Variants in SYT1 observed in about 807,000 individuals in gnomAD.
SYT1 encodes synaptotagmin 1, also known as synaptotagmin-1.
Under a neutral mutation model 44.8 loss-of-function variants are expected in SYT1, and 8 were observed. The ratio of observed to expected loss-of-function variants is 0.18; its 90% CI spans 0.10 to 0.32. The LOEUF is 0.32. SYT1 is among the 10% of genes least tolerant of loss of function. The probability of loss-of-function intolerance (pLI) is 1.00; values close to 1 mark genes in which losing one functional copy is unlikely to be tolerated. For missense variants in SYT1, 286 were observed against 509.3 expected, an observed-to-expected ratio of 0.56 and a Z score of 4.22; for synonymous variants, 154 against 188.8, an observed-to-expected ratio of 0.82 and a Z score of 1.51.
chr12:79,431,611 T>G (rs2136179332), intron 9 of SYT1, among the ~76,000 whole-genome samples: 1 of 151,954 alleles, frequency 6.6e-6, no homozygotes, highest in East Asian at 1.9e-4. Flanking sequence ...TGGCACAATC[T>G]TGGCTCACTG....
chr12:78,938,609 A>G (rs1878190686), intron 1 of SYT1, among the ~76,000 whole-genome samples: 1 of 152,228 alleles, frequency 6.6e-6, no homozygotes, highest in African/African-American at 2.4e-5. Flanking sequence ...AAGCATGCCA[A>G]GCATACTAAA....
At chr12:78,956,303 T>C (rs376355204) in intron 1 of SYT1, among the ~76,000 whole-genome samples, 1 of 152,112 alleles carries the variant, frequency 6.6e-6, no homozygotes, top group Admixed American at 6.6e-5. Context: ...ACAAATAATC[T>C]GGAGACACAC....
At chr12:79,222,749 G>T (rs912074803) in intron 4 of SYT1, among the ~76,000 whole-genome samples, 1 of 152,014 alleles carries the variant, frequency 6.6e-6, no homozygotes, top group African/African-American at 2.4e-5. Context: ...TTGATTGTTT[G>T]CTCTGTTGAT....
chr12:78,959,650 C>T (rs1879401458), intron 1 of SYT1, among the ~76,000 whole-genome samples: 1 of 152,134 alleles, frequency 6.6e-6, no homozygotes, highest in African/African-American at 2.4e-5. Flanking sequence ...GAGGTTCTAG[C>T]CTCTTATTAC....
chr12:79,115,347 A>C (rs1565812912), intron 3 of SYT1, among the ~76,000 whole-genome samples: 1 of 152,198 alleles, frequency 6.6e-6, no homozygotes, highest in Non-Finnish European at 1.5e-5. Context: ...ATAGTGAGAA[A>C]TATTTTTCCT....
chr12:79,117,702 T>TAC (rs1210358288), intron 3 of SYT1, among the ~76,000 whole-genome samples: 10 of 99,980 alleles, frequency 1.0e-4, no homozygotes, highest in Non-Finnish European at 1.4e-4. Context: ...TATATATATA[T>TAC]ATATATATAT....
In SYT1 at chr12:79,299,509, A is replaced by G. The variant is rs1880031129; in HGVS notation, c.768A>G (p.Val256=). Residue 256 remains valine (V), a synonymous_variant, in exon 8 of 11, where the codon GTA becomes GTG. Coordinates refer to ENST00000261205, the MANE Select transcript of SYT1 (RefSeq NM_005639.3). ...TGAACACAGTGGATTTTGGCCATGT[A>G]ACTGAGGAATGGCGTGACCTGCAAA... ...VPMNTVDFGH[V]TEEWRDLQSA... is the part of the protein sequence containing the mutation. 1.2e-6 allele frequency: 2 copies of G among 1,613,396 alleles called. No individual in the cohort carries two copies. Among genetic ancestry groups the G allele is most frequent in the Non-Finnish European group, 1.7e-6 (2 of 1,179,574 alleles).
intron 1 of SYT1, among the ~76,000 whole-genome samples, chr12:78,914,514 T>TAGAC (rs34634211): frequency 0.77 from 116,817 of 151,348 alleles, 45,711 homozygotes; most frequent in African/African-American, 0.89. Context: ...GTTAGATAGA[T>TAGAC]AGATGATAGA....
intron 3 of SYT1, among the ~76,000 whole-genome samples, chr12:79,115,592 A>G (rs1879234380): frequency 6.6e-6 from 1 of 152,234 alleles, no homozygotes; most frequent in African/African-American, 2.4e-5. Context: ...TATCAAAAAT[A>G]GTGTTTTAAG....
At chr12:79,349,043 A>AAGAAAGAAAGAAAG (rs1565919947) in intron 8 of SYT1, among the ~76,000 whole-genome samples, 2 of 140,358 alleles carry the variant, frequency 1.4e-5, no homozygotes, top group Admixed American at 1.4e-4. Context: ...AAAAGAAAGA[A>AAGAAAGAAAGAAAG]AGAAAGAAAG....
At chr12:78,953,587 C>T (rs1473385539) in intron 1 of SYT1, among the ~76,000 whole-genome samples, 1 of 152,030 alleles carries the variant, frequency 6.6e-6, no homozygotes, top group African/African-American at 2.4e-5. Context: ...AAATAATGCA[C>T]AAGAAGCAAT....
intron 2 of SYT1, among the ~76,000 whole-genome samples, chr12:78,989,776 C>T (rs1395342429): frequency 1.3e-5 from 2 of 151,988 alleles, no homozygotes; most frequent in African/African-American, 4.8e-5. Context: ...GACTCAGGTT[C>T]CATCATCAAA....
chr12:78,883,558 C>T (rs1269777419), intron 1 of SYT1, among the ~76,000 whole-genome samples: 1 of 151,490 alleles, frequency 6.6e-6, no homozygotes, highest in East Asian at 1.9e-4. Flanking sequence ...TGTTAAGTTT[C>T]AAATAAAATA....
At chr12:79,188,600 G>C (rs1252861158) in intron 3 of SYT1, among the ~76,000 whole-genome samples, 1 of 152,014 alleles carries the variant, frequency 6.6e-6, no homozygotes, top group Non-Finnish European at 1.5e-5. Context: ...CCATAAATAA[G>C]GCTTTATTCT....
chr12:79,287,021 G>A (rs1879346409), intron 5 of SYT1, among the ~76,000 whole-genome samples: 1 of 152,008 alleles, frequency 6.6e-6, no homozygotes, highest in Non-Finnish European at 1.5e-5. Flanking sequence ...ATTTAATCAG[G>A]TGTTACAACA....
chr12:78,870,058 C>A (rs992295233), intron 1 of SYT1, among the ~76,000 whole-genome samples: 1 of 151,970 alleles, frequency 6.6e-6, no homozygotes, highest in Non-Finnish European at 1.5e-5. Flanking sequence ...AAAATGAGAG[C>A]TGGGGAATTT....
chr12:79,368,812 G>A (rs1883665308), intron 9 of SYT1, among the ~76,000 whole-genome samples: 1 of 152,126 alleles, frequency 6.6e-6, no homozygotes, highest in Admixed American at 6.5e-5. Context: ...TTTGTCAGAT[G>A]AGCAGGTTGC....
At chr12:79,117,712 T>TATATAA (rs1555199608) in intron 3 of SYT1, among the ~76,000 whole-genome samples, 14 of 85,280 alleles carry the variant, frequency 1.6e-4, no homozygotes, top group Non-Finnish European at 3.2e-4. Context: ...TATATATATA[T>TATATAA]ATAAAATAAA....
intron 1 of SYT1, among the ~76,000 whole-genome samples, chr12:78,941,804 A>G (rs1331032636): frequency 1.3e-5 from 2 of 152,168 alleles, no homozygotes; most frequent in African/African-American, 2.4e-5. Flanking sequence ...CCTGCCAAAA[A>G]CACAAGGCAT....
Sources: gnomAD v4.1 joint callset for allele counts (sites outside exome capture counted in the v4.1 genomes callset) on GRCh38, gnomAD v4.1.1 for gene constraint, MANE v1.5 for transcripts, NCBI Gene and HGNC (gene_info 2026-07-23, HGNC 2026-07-21) for gene names.